KYNU: variants seen among roughly 807,000 people sequenced by gnomAD.
KYNU encodes the protein kynureninase, also known as L-kynurenine hydrolase.
A neutral mutation model predicts 59.2 loss-of-function variants in KYNU; 54 were observed. The ratio of observed to expected loss-of-function variants is 0.91; its 90% CI spans 0.73 to 1.14. The LOEUF (loss-of-function observed/expected upper bound fraction) is 1.14. Among genes scored for constraint, KYNU ranks in the 50% most tolerant of loss-of-function variants. The probability of loss-of-function intolerance (pLI) is 0.00; values close to 1 mark genes in which losing one functional copy is unlikely to be tolerated. For synonymous variants in KYNU, 177 were observed against 192.0 expected (o/e 0.92, Z 0.65); for missense variants, 567 against 554.4 (o/e 1.02, Z -0.23).
At chr2:142,884,750 A>G (rs1216747858) in intron 1 of KYNU, among the ~76,000 whole-genome samples, 3 of 120,468 alleles carry the variant, frequency 2.5e-5, no homozygotes. Flanking sequence ...TCTGTTACCC[A>G]GGCTGGAGTG....
At chr2:142,964,119 G>GT (rs58268845) in intron 8 of KYNU, among the ~76,000 whole-genome samples, 13,249 of 144,472 alleles carry the variant, frequency 0.092, 1,498 homozygotes, top group African/African-American at 0.28. Context: ...ACTTTTGTTT[G>GT]TTTTTTTTTT....
At chr2:142,954,523 A>T (rs1465017137) in intron 4 of KYNU, among the ~76,000 whole-genome samples, 1 of 152,102 alleles carries the variant, frequency 6.6e-6, no homozygotes, top group Non-Finnish European at 1.5e-5. Flanking sequence ...TGATAATAGG[A>T]TATATCATTT....
At chr2:142,969,710 A>T (rs965446497) in intron 8 of KYNU, among the ~76,000 whole-genome samples, 4 of 152,314 alleles carry the variant, frequency 2.6e-5, no homozygotes, top group Admixed American at 2.6e-4. Context: ...GTCAATCAGG[A>T]TCTCTGCTTC....
intron 4 of KYNU, among the ~76,000 whole-genome samples, chr2:142,931,494 G>A (rs1301490264): frequency 6.6e-6 from 1 of 152,188 alleles, no homozygotes; most frequent in South Asian, 2.1e-4. Flanking sequence ...GAGAGGTATA[G>A]CCTCATTTGC....
intron 1 of KYNU, among the ~76,000 whole-genome samples, chr2:142,880,274 A>ACTCTCAGATT (rs1681247997): frequency 6.6e-6 from 1 of 152,196 alleles, no homozygotes; most frequent in African/African-American, 2.4e-5. Context: ...ATCTGATAGT[A>ACTCTCAGATT]AGGCAGAAAA....
chr2:142,905,825 G>A (rs1682273777), intron 2 of KYNU, among the ~76,000 whole-genome samples: 1 of 152,162 alleles, frequency 6.6e-6, no homozygotes, highest in South Asian at 2.1e-4. Flanking sequence ...AGTGTTTCTG[G>A]CTATGCCCTT....
At position 143,029,655 on chromosome 2, in the gene KYNU, A is replaced by G. The variant is rs200565083; in HGVS notation, c.931A>G (p.Ser311Gly). Residue 311 changes from serine to glycine, a missense_variant, in exon 11 of 14, where the codon AGC (serine) becomes GGC (glycine). By Grantham distance (56) the Ser-to-Gly change is moderately conservative (BLOSUM62 0). Transcript: ENST00000264170. Reference sequence around the variant, plus strand: ...AGTGGGATGGTTTGGCCATGAACTCAGCACCAGATTTAAGATGGATAACAG... The same window carrying G: ...AGTGGGATGGTTTGGCCATGAACTCGGCACCAGATTTAAGATGGATAACAG... ...ALVGWFGHELSTRFKMDNKLQ... is the reference protein window; with the variant it reads ...ALVGWFGHELGTRFKMDNKLQ... 8 of 1,594,558 alleles carry G rather than the reference A, an allele frequency of 5.0e-6. No individual in the cohort carries two copies. Among genetic ancestry groups the G allele is most frequent in the Admixed American group, 5.0e-5 (3 of 59,998 alleles).
chr2:142,912,003 G>A (rs1383687872), intron 2 of KYNU, among the ~76,000 whole-genome samples: 1 of 151,944 alleles, frequency 6.6e-6, no homozygotes, highest in African/African-American at 2.4e-5. Flanking sequence ...TAATTTTGTT[G>A]TTGTTGTTGT....
intron 4 of KYNU, among the ~76,000 whole-genome samples, chr2:142,929,236 T>C (rs1683134707): frequency 6.6e-6 from 1 of 150,894 alleles, no homozygotes; most frequent in Non-Finnish European, 1.5e-5. Flanking sequence ...CAAAGAATTC[T>C]GAATGGAATA....
At chr2:143,001,912 A>T (rs1291922708) in intron 10 of KYNU, among the ~76,000 whole-genome samples, 1 of 152,216 alleles carries the variant, frequency 6.6e-6, no homozygotes, top group African/African-American at 2.4e-5. Context: ...TAGCAGCTAG[A>T]TGTGCAGAAG....
chr2:143,021,180 A>G (rs1686396901), intron 10 of KYNU, among the ~76,000 whole-genome samples: 1 of 152,018 alleles, frequency 6.6e-6, no homozygotes, highest in African/African-American at 2.4e-5. Context: ...AGAAAGATTA[A>G]CCCTTTTTAA....
chr2:142,927,986 A>G (rs1328802568), intron 4 of KYNU, among the ~76,000 whole-genome samples: 1 of 152,146 alleles, frequency 6.6e-6, no homozygotes. Flanking sequence ...TCATACTTTA[A>G]ATGTAATATT....
At position 142,918,718 on chromosome 2, in the gene KYNU, G is replaced by C. The variant is rs766018464; in HGVS notation, c.279G>C (p.Lys93Asn). The change falls in exon 3 of 14, where the codon AAG becomes AAC. Residue 93 changes from lysine (K) to asparagine (N), a missense_variant. Physicochemically the swap from Lys to Asn is moderately conservative, Grantham distance 94. Transcript: ENST00000264170. Reference protein sequence around the residue: ...VKTYLEEELDKWAKIAAYGHE... With the variant: ...VKTYLEEELDNWAKIAAYGHE... Reference sequence around the variant, plus strand: ...CATATCTTGAAGAAGAACTAGATAAGTGGGCCAAAATGTAAGTATTATTTT... The same window carrying C: ...CATATCTTGAAGAAGAACTAGATAACTGGGCCAAAATGTAAGTATTATTTT... 6.2e-6 allele frequency: 10 copies of C among 1,611,440 alleles called. No individual in the cohort carries two copies. Among genetic ancestry groups the C allele is most frequent in the Non-Finnish European group, 6.8e-6 (8 of 1,178,528 alleles).
intron 10 of KYNU, among the ~76,000 whole-genome samples, chr2:143,020,854 A>G (rs190967267): frequency 2.5e-3 from 379 of 152,332 alleles, no homozygotes; most frequent in African/African-American, 8.7e-3. Context: ...TAACTTTGGT[A>G]GCTATTGCTC....
intron 3 of KYNU, among the ~76,000 whole-genome samples, chr2:142,919,813 T>G (rs1195326627): frequency 6.6e-6 from 1 of 152,210 alleles, no homozygotes; most frequent in Non-Finnish European, 1.5e-5. Context: ...GGCTCACGCC[T>G]GTAATCCCAG....
chr2:142,911,617 T>C (rs1220373174), intron 2 of KYNU, among the ~76,000 whole-genome samples: 1 of 152,152 alleles, frequency 6.6e-6, no homozygotes, highest in East Asian at 1.9e-4. Context: ...TATCTTTGAT[T>C]TGTTCCAGTT....
chr2:142,960,205 C>A (rs351678), intron 7 of KYNU, among the ~76,000 whole-genome samples: 76,579 of 152,030 alleles, frequency 0.5, 21,007 homozygotes, highest in African/African-American at 0.69. Flanking sequence ...TTTTTGGAAA[C>A]AATAACAGGA....
intron 4 of KYNU, among the ~76,000 whole-genome samples, chr2:142,945,265 C>T (rs1462766112): frequency 6.6e-6 from 1 of 152,242 alleles, no homozygotes; most frequent in Admixed American, 6.5e-5. Context: ...AAGCAATCCT[C>T]TGAAATCCTG....
intron 7 of KYNU, among the ~76,000 whole-genome samples, chr2:142,960,089 G>A (rs553721331): frequency 6.6e-6 from 1 of 152,260 alleles, no homozygotes; most frequent in Admixed American, 6.5e-5. Flanking sequence ...GTTTCACCAT[G>A]TTGGCCAAGC....
Sources: gnomAD v4.1 joint callset for allele counts (sites outside exome capture counted in the v4.1 genomes callset) on GRCh38, gnomAD v4.1.1 for gene constraint, MANE v1.5 for transcripts, NCBI Gene and HGNC (gene_info 2026-07-23, HGNC 2026-07-21) for gene names.